The following PRUNE2 variants were observed in gnomAD, a reference collection of about 807,000 sequenced individuals.
The protein encoded by PRUNE2 is prune homolog 2 with BCH domain, also known as protein prune homolog 2.
Under a neutral mutation model 252.0 loss-of-function variants are expected in PRUNE2, and 164 were observed. That is an observed-to-expected ratio of 0.65 (90% CI 0.57 to 0.74). The LOEUF (loss-of-function observed/expected upper bound fraction) is 0.74, where lower values mean the gene tolerates loss of function less well. PRUNE2 is among the 30% of genes least tolerant of loss of function. The probability of loss-of-function intolerance (pLI) is 0.00; values close to 1 mark genes in which losing one functional copy is unlikely to be tolerated. For synonymous variants in PRUNE2, 1,292 were observed against 1,350.2 expected (o/e 0.96, Z 0.94); for missense variants, 3,495 against 3,711.0 (o/e 0.94, Z 1.51).
intron 1 of PRUNE2, 143 bp from the exon 2 acceptor site, chr9:76,854,351 G>A (rs145599598): frequency 4.3e-6 from 2 of 467,630 alleles, no homozygotes; most frequent in African/African-American, 2.0e-5. Context: ...AGTTTTACAT[G>A]AGAACATAAA....
Position 76,846,505 on chromosome 9 carries a change from C to T in PRUNE2, c.508+10G>A, listed in dbSNP as rs961261571. 2.5e-6 allele frequency: 4 copies of T among 1,607,292 alleles called. No homozygotes were observed. The South Asian group carries it at 4.4e-5, about 18-fold the overall frequency. ...CCTTCCAGTATTTAATAGGAAGAGC[C>T]ATCTCTCACCTCTGAGGCGATGAGC... On this transcript the variant is annotated intron_variant, in intron 4 of 18. Transcript: ENST00000376718.
intron 9 of PRUNE2, among the ~76,000 whole-genome samples, chr9:76,698,339 G>A (rs1485780964): frequency 6.6e-6 from 1 of 152,172 alleles, no homozygotes; most frequent in Non-Finnish European, 1.5e-5. Context: ...GAGCCACCGT[G>A]CCCGGCAAAG....
chr9:76,657,480 T>A (rs1849684888), intron 9 of PRUNE2, among the ~76,000 whole-genome samples: 1 of 152,214 alleles, frequency 6.6e-6, no homozygotes, highest in South Asian at 2.1e-4. Context: ...CAATTGTGAA[T>A]TATGGGCAAC....
chr9:76,695,793 C>T (rs2045326668), intron 9 of PRUNE2, among the ~76,000 whole-genome samples: 1 of 151,678 alleles, frequency 6.6e-6, no homozygotes, highest in Non-Finnish European at 1.5e-5. Context: ...ACAGGGGTAC[C>T]GTGATGAACA....
intron 1 of PRUNE2, among the ~76,000 whole-genome samples, chr9:76,863,533 T>G (rs1219473941): frequency 1.3e-5 from 2 of 152,234 alleles, no homozygotes; most frequent in Non-Finnish European, 2.9e-5. Flanking sequence ...AATAAAAAAC[T>G]ATTTTGTTTT....
intron 6 of PRUNE2, among the ~76,000 whole-genome samples, chr9:76,797,084 T>C (rs757415297): frequency 2.0e-5 from 3 of 151,906 alleles, no homozygotes; most frequent in Non-Finnish European, 4.4e-5. Flanking sequence ...GGGAGAGGAA[T>C]TGGGGAGAAA....
intron 1 of PRUNE2, among the ~76,000 whole-genome samples, chr9:76,879,903 ATTTTTT>A (rs71354691): frequency 1.3e-4 from 4 of 31,002 alleles, no homozygotes; most frequent in African/African-American, 7.2e-4. Context: ...ATATATATAT[ATTTTTT>A]TTTTTTTTTT....
In PRUNE2 at chr9:76,705,790, A is replaced by T. The variant is rs776086369; in HGVS notation, c.6484T>A (p.Ser2162Thr). 1 of 1,613,932 alleles carries T rather than the reference A, an allele frequency of 6.2e-7. No individual in the cohort carries two copies. The highest frequency in any genetic ancestry group is 8.5e-7 in the Non-Finnish European group (1 of 1,179,892). ...GGAGGCAGCACAGTTGCGTTTTCAG[A>T]ATCGAGTTCTGCATTGGATGGGACA... Reference protein sequence around the residue: ...EFVPSNAELDSENATVLPPIG... With the variant: ...EFVPSNAELDTENATVLPPIG... Residue 2162 changes from serine (S) to threonine (T), a missense_variant, in exon 8 of 19, where the codon TCT becomes ACT. Coordinates refer to ENST00000376718, the MANE Select transcript of PRUNE2 (RefSeq NM_015225.3).
At chr9:76,780,655 C>T (rs1208052723) in intron 6 of PRUNE2, among the ~76,000 whole-genome samples, 2 of 152,204 alleles carry the variant, frequency 1.3e-5, no homozygotes, top group Non-Finnish European at 2.9e-5. Flanking sequence ...CGCCCCACTG[C>T]ACTCCAGCCT....
chr9:76,642,235 G>A (rs1162413893), intron 12 of PRUNE2, among the ~76,000 whole-genome samples: 2 of 152,108 alleles, frequency 1.3e-5, no homozygotes, highest in Non-Finnish European at 2.9e-5. Flanking sequence ...TGTGAACAGT[G>A]GTGTTGAGAT....
At chr9:76,782,045 T>C (rs2054469112) in intron 6 of PRUNE2, among the ~76,000 whole-genome samples, 2 of 152,092 alleles carry the variant, frequency 1.3e-5, no homozygotes, top group Middle Eastern at 3.2e-3. Flanking sequence ...AAACCCCATC[T>C]CTACTAAAAA....
At chr9:76,624,849 G>T (rs1446094264) in intron 16 of PRUNE2, among the ~76,000 whole-genome samples, 1 of 152,206 alleles carries the variant, frequency 6.6e-6, no homozygotes, top group Non-Finnish European at 1.5e-5. Context: ...GTAGGTTTCA[G>T]TTGCAAATTA....
intron 7 of PRUNE2, among the ~76,000 whole-genome samples, chr9:76,712,016 G>A (rs1369896228): frequency 6.6e-6 from 1 of 152,078 alleles, no homozygotes; most frequent in Admixed American, 6.5e-5. Flanking sequence ...TGATTTTTAA[G>A]GAATGTCAGG....
intron 1 of PRUNE2, among the ~76,000 whole-genome samples, chr9:76,868,773 T>C (rs1302609092): frequency 1.3e-5 from 2 of 148,620 alleles, no homozygotes; most frequent in Non-Finnish European, 3.0e-5. Flanking sequence ...GATTAAAGTA[T>C]TTTCATTTTA....
At position 76,633,832 on chromosome 9, in the gene PRUNE2, C is replaced by T. The variant is rs533897901; in HGVS notation, c.9050+2639G>A. ...TGGAAATAGTAAACAGTATCTGCTT[C>T]AGGCTGGGCATGGTGGCTCATGCCT... is the stretch of plus-strand genomic sequence containing the variant. On this transcript the variant is annotated intron_variant, in intron 15 of 18. Transcript: ENST00000376718. Among the ~76,000 whole-genome samples the T allele has an allele frequency of 8.6e-5, 13 of 151,598 alleles. No individual in the cohort carries two copies. In the South Asian group the frequency reaches 2.7e-3, roughly 32 times the overall value.
In PRUNE2 at chr9:76,706,568, G is replaced by A. The variant is rs758311680; in HGVS notation, c.5706C>T (p.Asn1902=). ...QSPFLEGNGK[N]SHEQLWNIQP... ...GAATGTTCCAGAGTTGCTCATGGGA[G>A]TTCTTCCCATTACCTTCCAGAAAGG... The change falls in exon 8 of 19, where the codon AAC becomes AAT. Residue 1902 remains asparagine (N), a synonymous_variant. Transcript: ENST00000376718. The A allele has an allele frequency of 2.5e-6, 4 of 1,613,680 alleles. No homozygotes were observed. In the African/African-American group the frequency reaches 5.3e-5, roughly 22 times the overall value.
In PRUNE2 at chr9:76,711,140, G is replaced by C; in HGVS notation, c.1134C>G (p.Leu378=). 6.2e-7 allele frequency: 1 copy of C among 1,613,874 alleles called. No homozygotes were observed. The highest frequency in any genetic ancestry group is 8.5e-7 in the Non-Finnish European group (1 of 1,179,778). ...CCATAATCCCAGAAGACCCCTGGGA[G>C]AGGGGGGCACTGCCTGCCACGGCTT... ...STEAVAGSAP[L]SQGSSGIMEL... Residue 378 remains leucine, a synonymous_variant, in exon 8 of 19, where the codon CTC becomes CTG. Transcript: ENST00000376718.
At chr9:76,816,604 C>T (rs2057712161) in intron 6 of PRUNE2, among the ~76,000 whole-genome samples, 1 of 152,154 alleles carries the variant, frequency 6.6e-6, no homozygotes, top group African/African-American at 2.4e-5. Context: ...TTGTCATTTG[C>T]TTTAAGTGCT....
intron 1 of PRUNE2, among the ~76,000 whole-genome samples, chr9:76,866,235 C>T (rs1057181826): frequency 6.6e-6 from 1 of 152,196 alleles, no homozygotes; most frequent in African/African-American, 2.4e-5. Context: ...TTAGCTCTGT[C>T]CCCAACACTT....
Sources: allele counts gnomAD v4.1 joint callset (sites outside exome capture counted in the v4.1 genomes callset), GRCh38; gene constraint gnomAD v4.1.1; transcripts MANE v1.5; gene names NCBI Gene and HGNC (gene_info 2026-07-23, HGNC 2026-07-21).